Variants in PIK3C2G observed in about 807,000 individuals in gnomAD.
PIK3C2G encodes the protein phosphatidylinositol 3-kinase C2 domain-containing subunit gamma.
In PIK3C2G, 168 loss-of-function variants were observed where a neutral mutation model predicts 181.1. The observed-to-expected ratio is 0.93, with a 90% CI of 0.82 to 1.05. The LOEUF (loss-of-function observed/expected upper bound fraction) is 1.05. PIK3C2G is among the 50% of genes least tolerant of loss of function. The pLI is 0.00. For missense variants in PIK3C2G, 1,869 were observed against 1,732.8 expected, an observed-to-expected ratio of 1.08 and a Z score of -1.40; for synonymous variants, 573 against 592.2, an observed-to-expected ratio of 0.97 and a Z score of 0.47.
At chr12:18,543,453 G>A (rs1944271430) in intron 25 of PIK3C2G, among the ~76,000 whole-genome samples, 1 of 151,944 alleles carries the variant, frequency 6.6e-6, no homozygotes, top group African/African-American at 2.4e-5. Context: ...TCTTCATCAT[G>A]AAATCTTTGC....
At chr12:18,317,571 T>C (rs769529292) in intron 6 of PIK3C2G, among the ~76,000 whole-genome samples, 1 of 152,192 alleles carries the variant, frequency 6.6e-6, no homozygotes, top group Non-Finnish European at 1.5e-5. Flanking sequence ...TGAAGTCCTA[T>C]GGAGATATGT....
intron 25 of PIK3C2G, among the ~76,000 whole-genome samples, chr12:18,541,284 A>G (rs1306524764): frequency 6.6e-6 from 1 of 151,892 alleles, no homozygotes; most frequent in Non-Finnish European, 1.5e-5. Flanking sequence ...AGATATCCAT[A>G]TTGCTTTTTA....
chr12:18,309,373 T>C (rs977959225), intron 5 of PIK3C2G, among the ~76,000 whole-genome samples: 1 of 151,804 alleles, frequency 6.6e-6, no homozygotes, highest in African/African-American at 2.4e-5. Context: ...TAAGTATTGG[T>C]TAGCCAGCAA....
intron 29 of PIK3C2G, among the ~76,000 whole-genome samples, chr12:18,570,295 G>A (rs1306699670): frequency 1.3e-5 from 2 of 151,074 alleles, no homozygotes; most frequent in Non-Finnish European, 2.9e-5. Context: ...CGCAACCTCT[G>A]CCTCCAAGGT....
At chr12:18,443,863 A>T (rs1319809411) in intron 18 of PIK3C2G, among the ~76,000 whole-genome samples, 1 of 152,208 alleles carries the variant, frequency 6.6e-6, no homozygotes, top group East Asian at 1.9e-4. Flanking sequence ...TATTTATAGA[A>T]AGCATCTTAG....
At chr12:18,652,587 G>A (rs1950565579), downstream of PIK3C2G, among the ~76,000 whole-genome samples, 1 of 152,074 alleles carries the variant, frequency 6.6e-6, no homozygotes, top group Non-Finnish European at 1.5e-5. Context: ...GTCATCATCT[G>A]TTGTGTTGTC....
At chr12:18,390,652 T>C (rs906472204) in intron 14 of PIK3C2G, among the ~76,000 whole-genome samples, 1 of 152,126 alleles carries the variant, frequency 6.6e-6, no homozygotes, top group Admixed American at 6.5e-5. Context: ...ATAATGATTC[T>C]CAGACTTGCA....
chr12:18,409,741 G>C (rs922641788), intron 16 of PIK3C2G, among the ~76,000 whole-genome samples: 3 of 152,084 alleles, frequency 2.0e-5, no homozygotes, highest in Non-Finnish European at 1.5e-5. Flanking sequence ...GGATGTATTA[G>C]TCTGTTCTCA....
intron 30 of PIK3C2G, among the ~76,000 whole-genome samples, chr12:18,594,916 G>A (rs1399670877): frequency 6.6e-6 from 1 of 151,970 alleles, no homozygotes; most frequent in Non-Finnish European, 1.5e-5. Context: ...TTTGAAAGGT[G>A]TTTTGAAATA....
At chr12:18,541,566 G>A (rs931631353) in intron 25 of PIK3C2G, among the ~76,000 whole-genome samples, 3 of 151,898 alleles carry the variant, frequency 2.0e-5, no homozygotes, top group Non-Finnish European at 4.4e-5. Flanking sequence ...ACTTCTCTAT[G>A]TGATGGGGAA....
At chr12:18,288,898 G>A (rs1949569237) in intron 3 of PIK3C2G, among the ~76,000 whole-genome samples, 1 of 152,062 alleles carries the variant, frequency 6.6e-6, no homozygotes, top group Non-Finnish European at 1.5e-5. Context: ...GTGACTTATA[G>A]TGCATTTTCC....
At chr12:18,547,166 T>A (rs939817165) in intron 26 of PIK3C2G, among the ~76,000 whole-genome samples, 4 of 152,040 alleles carry the variant, frequency 2.6e-5, no homozygotes, top group African/African-American at 9.7e-5. Context: ...CCACTGAAAA[T>A]TTATAAACAG....
At chr12:18,686,904 C>G in the PIK3C2G span, among the ~76,000 whole-genome samples, 1 of 151,876 alleles carries the variant, frequency 6.6e-6, no homozygotes, top group Non-Finnish European at 1.5e-5. Flanking sequence ...CCATAAAATC[C>G]AAGGAGGTAA....
rs759447999 is a variant in PIK3C2G at position 18,325,025 on chromosome 12, T to C, written c.1209-10T>C. 29 of 1,456,390 alleles carry C rather than the reference T, an allele frequency of 2.0e-5. No homozygotes were observed. The African/African-American group carries it at 3.5e-4, about 18-fold the overall frequency. The allele number at this position is 1,456,390 out of a possible 1,614,324, so 90.2% of individuals were successfully genotyped here. The stretch of plus-strand genomic sequence containing the variant: ...AATTTTAAACAAAGTTTCTATTTTT[T>C]ATTTTCCAGACAATGTCTCTTAACA... On this transcript the variant is annotated splice_polypyrimidine_tract_variant and intron_variant, in intron 7 of 32. Coordinates refer to ENST00000538779, the MANE Select transcript of PIK3C2G (RefSeq NM_001288772.2).
chr12:18,426,393 A>G (rs1306490146), intron 18 of PIK3C2G, among the ~76,000 whole-genome samples: 2 of 152,130 alleles, frequency 1.3e-5, no homozygotes, highest in African/African-American at 4.8e-5. Context: ...CTTATTAAAA[A>G]CAAATTTTGG....
chr12:18,447,445 T>C (rs1371513728), intron 18 of PIK3C2G, among the ~76,000 whole-genome samples: 1 of 152,210 alleles, frequency 6.6e-6, no homozygotes, highest in Admixed American at 6.6e-5. Flanking sequence ...AGTTTCAAAT[T>C]TGCAGCCTTT....
At chr12:18,452,076 C>T (rs1177876437) in intron 18 of PIK3C2G, among the ~76,000 whole-genome samples, 2 of 152,190 alleles carry the variant, frequency 1.3e-5, no homozygotes, top group Admixed American at 6.5e-5. Context: ...CAGCATGATG[C>T]TGGCCTCATA....
chr12:18,666,781 A>G, the PIK3C2G span, among the ~76,000 whole-genome samples: 1 of 152,226 alleles, frequency 6.6e-6, no homozygotes, highest in Non-Finnish European at 1.5e-5. Flanking sequence ...GACATGAAAC[A>G]TTCTCCAGGA....
intron 5 of PIK3C2G, among the ~76,000 whole-genome samples, chr12:18,303,826 G>A (rs557628542): frequency 8.6e-5 from 13 of 151,510 alleles, no homozygotes; most frequent in South Asian, 2.1e-4. Context: ...ATTCTGTTTC[G>A]GCCAATTGCT....
Sources: allele counts gnomAD v4.1 joint callset (sites outside exome capture counted in the v4.1 genomes callset), GRCh38; gene constraint gnomAD v4.1.1; transcripts MANE v1.5; gene names NCBI Gene and HGNC (gene_info 2026-07-23, HGNC 2026-07-21).